Variants in POLRMT observed in about 807,000 individuals in gnomAD.
POLRMT encodes the protein DNA-directed RNA polymerase, mitochondrial.
Under a neutral mutation model 132.2 loss-of-function variants are expected in POLRMT, and 114 were observed. The ratio of observed to expected loss-of-function variants is 0.86; its 90% CI spans 0.74 to 1.01. The LOEUF is 1.01. POLRMT is among the 50% of genes least tolerant of loss of function. POLRMT has a pLI of 0.00. For missense variants in POLRMT, 2,003 were observed against 1,729.1 expected, an observed-to-expected ratio of 1.16 and a Z score of -2.81; for synonymous variants, 1,020 against 773.4, an observed-to-expected ratio of 1.32 and a Z score of -5.29.
At chr19:631,639 AG>A (rs200211000) in intron 2 of POLRMT, among the ~76,000 whole-genome samples, 3 of 152,040 alleles carry the variant, frequency 2.0e-5, no homozygotes, top group Non-Finnish European at 2.9e-5. Flanking sequence ...ATCCGTCTCA[AG>A]AAAAAAAAAA....
At position 619,615 on chromosome 19, in the gene POLRMT, G is replaced by T. The variant is rs745348188; in HGVS notation, c.3037C>A (p.Arg1013Ser). 2 of 1,610,916 alleles carry T rather than the reference G, an allele frequency of 1.2e-6. No individual in the cohort carries two copies. The highest frequency in any genetic ancestry group is 1.3e-5 in the African/African-American group (1 of 74,964). ...RYGGRLQIEKRLRELSDFPQE... is the reference protein window; with the variant it reads ...RYGGRLQIEKSLRELSDFPQE... ...GGAAAGTCGCTCAGCTCCCGGAGGC[G>T]CTTCTCAATCTGCAGGCGCCCGCCA... is the stretch of plus-strand genomic sequence containing the variant. The change falls in exon 13 of 21, where the codon CGC becomes AGC. Residue 1013 changes from arginine (R) to serine (S), a missense_variant. Coordinates refer to ENST00000588649, the MANE Select transcript of POLRMT (RefSeq NM_005035.4).
Position 633,425 on chromosome 19 carries a change from C to T in POLRMT, c.88G>A (p.Gly30Arg). Residue 30 changes from glycine (G) to arginine (R), a missense_variant and splice_region_variant, in exon 1 of 21, where the codon GGG becomes AGG. Transcript: ENST00000588649. Reference protein sequence around the residue: ...CGRPGLPGKEGTAGGVCGPRR... With the variant: ...CGRPGLPGKERTAGGVCGPRR... ...GCCTGGCCGTCTCCCTTTGTGTTAC[C>T]TTCTTTGCCGGGGAGTCCCGGGCGG... 6.5e-7 allele frequency: 1 copy of T among 1,546,878 alleles called. No homozygotes were observed. Among genetic ancestry groups the T allele is most frequent in the Non-Finnish European group, 8.7e-7 (1 of 1,146,012 alleles).
chr19:629,971 G>A lies in POLRMT; in HGVS notation c.391C>T (p.Arg131Trp), dbSNP rs767932556. Residue 131 changes from arginine (R) to tryptophan (W), a missense_variant, in exon 3 of 21, where the codon CGG becomes TGG. Physicochemically the swap from Arg to Trp is moderately radical, Grantham distance 101 (BLOSUM62 -3). Transcript: ENST00000588649. Reference sequence around the variant, plus strand: ...CGCTGCATACGCATCTGCTGGGTCCGCTTATCCTTCTCCAGTATCTTTGCC... The same window carrying A: ...CGCTGCATACGCATCTGCTGGGTCCACTTATCCTTCTCCAGTATCTTTGCC... ...RWAKILEKDK[R>W]TQQMRMQRLK... 1.8e-5 allele frequency: 29 copies of A among 1,613,692 alleles called. No homozygotes were observed. Among genetic ancestry groups the A allele is most frequent in the South Asian group, 9.9e-5 (9 of 91,082 alleles).
chr19:619,740 G>C lies in POLRMT; in HGVS notation c.2912C>G (p.Ala971Gly), dbSNP rs764069803. The change falls in exon 13 of 21, where the codon GCC becomes GGC. Residue 971 changes from alanine to glycine, a missense_variant. Transcript: ENST00000588649. ...AQVEVFRRQD[A>G]QRGMRVAQVL... ...CTGTGCCACCCGCATGCCCCGCTGGGCGTCCTGCCTACGGAACACCTCCAC... is the reference window on the plus strand; with the variant it reads ...CTGTGCCACCCGCATGCCCCGCTGGCCGTCCTGCCTACGGAACACCTCCAC... 4.4e-6 allele frequency: 7 copies of C among 1,592,404 alleles called. No individual in the cohort carries two copies. In the African/African-American group the frequency reaches 8.1e-5, roughly 18 times the overall value.
intron 3 of POLRMT, among the ~76,000 whole-genome samples, chr19:626,783 G>A (rs1331906622): frequency 1.3e-5 from 2 of 150,768 alleles, no homozygotes; most frequent in East Asian, 1.9e-4. Flanking sequence ...TCACTTGAAC[G>A]CAGAAAGCGG....
Position 621,843 on chromosome 19 carries a change from C to T in POLRMT, c.1855G>A (p.Gly619Ser), listed in dbSNP as rs764240322. The T allele has an allele frequency of 8.1e-6, 13 of 1,601,824 alleles. No homozygotes were observed. Among genetic ancestry groups the T allele is most frequent in the Non-Finnish European group, 1.1e-5 (13 of 1,179,788 alleles). The stretch of plus-strand genomic sequence containing the variant: ...TAGGCCGGGTGCGGCTTCAGGATGC[C>T]GATCTGGGGTGCGACAGGCAGACGG... ...VYSFRNVQQI[G>S]ILKPHPAYVQ... The change falls in exon 10 of 21, where the codon GGC becomes AGC. Residue 619 changes from glycine to serine, a missense_variant. By Grantham distance (56) the Gly-to-Ser change is moderately conservative. Transcript: ENST00000588649.
In POLRMT at chr19:632,134, G is replaced by A. The variant is rs150566343; in HGVS notation, c.193+700C>T. Among the ~76,000 whole-genome samples, 112 of 151,198 alleles carry A rather than the reference G, an allele frequency of 7.4e-4. 1 individual carries two copies. Among genetic ancestry groups the A allele is most frequent in the Non-Finnish European group, 1.5e-3 (100 of 67,824 alleles). Reference sequence around the variant, plus strand: ...ACCCAAAAGTGCTGGGAGTACAGGCGTGAGCCACCGCACCAGGCCTCGAAC... The same window carrying A: ...ACCCAAAAGTGCTGGGAGTACAGGCATGAGCCACCGCACCAGGCCTCGAAC... On this transcript the variant is annotated intron_variant, in intron 2 of 20. Coordinates refer to ENST00000588649, the MANE Select transcript of POLRMT (RefSeq NM_005035.4).
chr19:620,365 C>T lies in POLRMT; in HGVS notation c.2763G>A (p.Gln921=), dbSNP rs1217923708. ...CGGGGGCCAGACCCAGCTGGCTCAC[C>T]TGATGGACGGGGAGGTGGGAGACAT... ...AAYVSHLPVH[Q]DGSCNGLQHY... is the part of the protein sequence containing the mutation. The change falls in exon 11 of 21, where the codon CAG becomes CAA. Residue 921 remains glutamine, a splice_region_variant and synonymous_variant. Transcript: ENST00000588649. The T allele has an allele frequency of 2.1e-5, 33 of 1,573,234 alleles. No homozygotes were observed. The highest frequency in any genetic ancestry group is 2.8e-5 in the Non-Finnish European group (33 of 1,160,296).
At position 620,041 on chromosome 19, in the gene POLRMT, C is replaced by A; in HGVS notation, c.2803G>T (p.Gly935Cys). 1 of 1,556,720 alleles carries A rather than the reference C, an allele frequency of 6.4e-7. No homozygotes were observed. The highest frequency in any genetic ancestry group is 8.7e-7 in the Non-Finnish European group (1 of 1,155,824). ...CNGLQHYAAL[G>C]RDSVGAASVN... ...GAGGCGGCGCCCACGCTGTCGCGGC[C>A]CAGAGCAGCATAATGCTGCAGGCCG... Residue 935 changes from glycine to cysteine, a missense_variant, in exon 12 of 21, where the codon GGC (glycine) becomes TGC (cysteine). Physicochemically the swap from Gly to Cys is radical, Grantham distance 159. Transcript: ENST00000588649.
Position 621,561 on chromosome 19 carries a change from C to A in POLRMT, c.2137G>T (p.Val713Leu), listed in dbSNP as rs10421235. ...AAGAGCTGCAGCACCAGGTCCAGCACGCGCCCGTTGACGCGCCAGGCGCAG... is the reference window on the plus strand; with the variant it reads ...AAGAGCTGCAGCACCAGGTCCAGCAAGCGCCCGTTGACGCGCCAGGCGCAG... ...GNCAWRVNGR[V>L]LDLVLQLFQA... is the part of the protein sequence containing the mutation. The change falls in exon 10 of 21, where the codon GTG becomes TTG. Residue 713 changes from valine (V) to leucine (L), a missense_variant. Transcript: ENST00000588649. 69,285 of 1,448,180 alleles carry A rather than the reference C, an allele frequency of 0.048. 3,749 individuals are homozygous for A. The highest frequency in any genetic ancestry group is 0.2 in the South Asian group (14,159 of 70,592). 89.7% of individuals were successfully genotyped at this position (1,448,180 alleles called of 1,614,324 possible). A position where few individuals can be genotyped will look rare whatever the true frequency, so the allele number is the denominator to read the frequency against.
rs376452186 is a variant in POLRMT at position 619,280 on chromosome 19, G to A, written c.3083C>T (p.Ala1028Val). 39 of 1,608,296 alleles carry A rather than the reference G, an allele frequency of 2.4e-5. No homozygotes were observed. Among genetic ancestry groups the A allele is most frequent in the Admixed American group, 1.3e-4 (8 of 59,666 alleles). Residue 1028 changes from alanine to valine, a missense_variant, in exon 14 of 21, where the codon GCC becomes GTC. By Grantham distance (64) the Ala-to-Val change is moderately conservative. Coordinates refer to ENST00000588649, the MANE Select transcript of POLRMT (RefSeq NM_005035.4). ...SDFPQEFVWEASHYLVRQVFK... is the reference protein window; with the variant it reads ...SDFPQEFVWEVSHYLVRQVFK... Reference sequence around the variant, plus strand: ...GACCTGGCGTACGAGATAGTGAGAGGCCTCCCACACGAACTCCTGCAGAGG... The same window carrying A: ...GACCTGGCGTACGAGATAGTGAGAGACCTCCCACACGAACTCCTGCAGAGG...
intron 2 of POLRMT, among the ~76,000 whole-genome samples, chr19:631,512 G>A (rs932863825): frequency 7.2e-5 from 11 of 151,824 alleles, no homozygotes; most frequent in East Asian, 5.9e-4. Flanking sequence ...GGTGGTGCGC[G>A]CCTGTAGTTC....
At chr19:618,019 G>A (rs946744185) in intron 17 of POLRMT, 170 bp from the exon 18 acceptor site, 11 of 640,048 alleles carry the variant, frequency 1.7e-5, no homozygotes, top group Admixed American at 1.2e-4. Flanking sequence ...CCTGGGTTAG[G>A]TATCAGTACA....
chr19:630,255 G>T, intron 2 of POLRMT, 87 bp from the exon 3 acceptor site: 1 of 1,468,620 alleles, frequency 6.8e-7, no homozygotes, highest in Non-Finnish European at 9.1e-7. Flanking sequence ...AGGCCAGGAG[G>T]TGCAGGTGGC....
At chr19:626,575 AG>A (rs1403620107) in intron 3 of POLRMT, among the ~76,000 whole-genome samples, 1 of 143,064 alleles carries the variant, frequency 7.0e-6, no homozygotes. Flanking sequence ...TCACAAGGTC[AG>A]GAGTTTAAGA....
chr19:632,843 G>C lies in POLRMT; in HGVS notation c.184C>G (p.Leu62Val), dbSNP rs1039426438. The C allele has an allele frequency of 9.7e-6, 15 of 1,541,726 alleles. No homozygotes were observed. Among genetic ancestry groups the C allele is most frequent in the Non-Finnish European group, 1.3e-5 (15 of 1,146,318 alleles). ...DRRKDWGHVE[L>V]LEVLQARVRQ... ...TGGGGGTCGCGCTCACCCTCCAGCAGCTCCACGTGGCCCCAGTCCTTCCTG... is the reference window on the plus strand; with the variant it reads ...TGGGGGTCGCGCTCACCCTCCAGCACCTCCACGTGGCCCCAGTCCTTCCTG... The change falls in exon 2 of 21, where the codon CTG becomes GTG. Residue 62 changes from leucine (L) to valine (V), a missense_variant. Transcript: ENST00000588649.
chr19:626,915 A>G (rs1740519736), intron 3 of POLRMT, among the ~76,000 whole-genome samples: 1 of 150,430 alleles, frequency 6.6e-6, no homozygotes, highest in South Asian at 2.1e-4. Context: ...ATATATATAT[A>G]AAATAACATA....
chr19:618,157 G>A, intron 17 of POLRMT: 1 of 562,406 alleles, frequency 1.8e-6, no homozygotes, highest in Non-Finnish European at 3.2e-6. Flanking sequence ...CGCATCCTGA[G>A]CATTCCCAGC....
In POLRMT at chr19:621,269, G is replaced by T; in HGVS notation, c.2429C>A (p.Pro810Gln). 4 of 1,607,666 alleles carry T rather than the reference G, an allele frequency of 2.5e-6. No homozygotes were observed. The highest frequency in any genetic ancestry group is 3.4e-6 in the Non-Finnish European group (4 of 1,177,966). Residue 810 changes from proline to glutamine, a missense_variant, in exon 10 of 21, where the codon CCG becomes CAG. Physicochemically the swap from Pro to Gln is moderately conservative, Grantham distance 76. Transcript: ENST00000588649. ...GCTGCCCAGGTGGTTGAAGTGCGGC[G>T]GGCAGGGGTAGGTGCGGCCGCGGAA... ...MDFRGRTYPC[P>Q]PHFNHLGSDV... is the part of the protein sequence containing the mutation.
Sources: allele counts gnomAD v4.1 joint callset (sites outside exome capture counted in the v4.1 genomes callset), GRCh38; gene constraint gnomAD v4.1.1; transcripts MANE v1.5; gene names NCBI Gene and HGNC (gene_info 2026-07-23, HGNC 2026-07-21).